TNNI3K: variants seen among roughly 807,000 people sequenced by gnomAD.
The protein encoded by TNNI3K is TNNI3 interacting kinase.
Under a neutral mutation model 114.5 loss-of-function variants are expected in TNNI3K, and 140 were observed. The ratio of observed to expected loss-of-function variants is 1.22; its 90% CI spans 1.07 to 1.41. TNNI3K has a LOEUF of 1.41. Ranked by LOEUF, TNNI3K falls within the 40% of genes most tolerant of loss-of-function variation. The probability of loss-of-function intolerance (pLI) is 0.00; values close to 1 mark genes in which losing one functional copy is unlikely to be tolerated. For synonymous variants in TNNI3K, 347 were observed against 347.5 expected, an observed-to-expected ratio of 1.00 and a Z score of 0.02; for missense variants, 1,125 against 1,007.6, an observed-to-expected ratio of 1.12 and a Z score of -1.58.
At position 74,480,466 on chromosome 1, in the gene TNNI3K, C is replaced by T. The variant is rs1037808014; in HGVS notation, c.2122-8723C>T. 5 of 717,364 alleles carry T rather than the reference C, an allele frequency of 7.0e-6. No homozygotes were observed. Among genetic ancestry groups the T allele is most frequent in the Middle Eastern group, 2.3e-4 (1 of 4,394 alleles). 44.4% of individuals were successfully genotyped at this position (717,364 alleles called of 1,614,324 possible). On this transcript the variant is annotated intron_variant, in intron 21 of 24. Transcript: ENST00000326637. The stretch of plus-strand genomic sequence containing the variant: ...ACTGCTTCAGTGGAGTAAACACATC[C>T]GGCATGTGGGCTAACCTATTTCGGG...
chr1:74,338,867 T>C (rs923733745), intron 7 of TNNI3K, among the ~76,000 whole-genome samples: 3 of 152,118 alleles, frequency 2.0e-5, no homozygotes, highest in African/African-American at 7.2e-5. Flanking sequence ...ATAAACAACC[T>C]ATGTTGTCAG....
intron 21 of TNNI3K, among the ~76,000 whole-genome samples, chr1:74,482,583 A>T (rs1041298916): frequency 2.6e-5 from 4 of 152,186 alleles, no homozygotes; most frequent in Non-Finnish European, 5.9e-5. Flanking sequence ...AATGGAAGAA[A>T]TTATCCTCTT....
At chr1:74,242,841 ATCTCTCTCTGCCTCTCTC>A (rs996898771) in intron 2 of TNNI3K, among the ~76,000 whole-genome samples, 2 of 151,502 alleles carry the variant, frequency 1.3e-5, no homozygotes, top group African/African-American at 4.9e-5. Flanking sequence ...CTTGACCTCA[ATCTCTCTCTGCCTCTCTC>A]TCTCTATCTC....
At chr1:74,290,809 T>C (rs900011361) in intron 5 of TNNI3K, among the ~76,000 whole-genome samples, 6 of 151,776 alleles carry the variant, frequency 4.0e-5, no homozygotes, top group African/African-American at 7.2e-5. Flanking sequence ...TCCCCACTTA[T>C]TTCTGCCCAA....
rs1361143009 is a variant in TNNI3K, at chr1:74,492,417, A to C, written c.2351+151A>C. 3.1e-5 allele frequency: 34 copies of C among 1,094,200 alleles called. No homozygotes were observed. The African/African-American group carries it at 4.2e-4, about 13-fold the overall frequency. The allele number at this position is 1,094,200 out of a possible 1,614,324, so 67.8% of individuals were successfully genotyped here. A position where few individuals can be genotyped will look rare whatever the true frequency, so the allele number is the denominator to read the frequency against. ...TTCAGCCCATTTTTCTTACGTTATG[A>C]CTAAAAATTAGAAATTTTATTATCT... On this transcript the variant is annotated intron_variant, in intron 23 of 24. Transcript: ENST00000326637.
intron 17 of TNNI3K, among the ~76,000 whole-genome samples, chr1:74,423,263 A>C (rs1665484201): frequency 6.6e-6 from 1 of 150,946 alleles, no homozygotes. Context: ...CTTAATCATC[A>C]TTTTTTTGTG....
chr1:74,436,594 C>G, intron 19 of TNNI3K, 68 bp downstream of exon 19: 1 of 1,500,928 alleles, frequency 6.7e-7, no homozygotes, highest in Non-Finnish European at 8.9e-7. Flanking sequence ...CATGAGAGGA[C>G]GTAAGATGAG....
intron 23 of TNNI3K, among the ~76,000 whole-genome samples, chr1:74,521,429 A>G (rs565304301): frequency 3.2e-4 from 49 of 152,308 alleles, no homozygotes; most frequent in African/African-American, 1.1e-3. Flanking sequence ...TAACTATTTT[A>G]TGAAATATGT....
At chr1:74,437,640 AGGTGAG>A (rs1453907562) in intron 19 of TNNI3K, among the ~76,000 whole-genome samples, 1 of 151,870 alleles carries the variant, frequency 6.6e-6, no homozygotes, top group Non-Finnish European at 1.5e-5. Context: ...GGCTGGAGTG[AGGTGAG>A]CAAGGAGGAA....
chr1:74,413,588 C>T (rs1282190502), intron 17 of TNNI3K, among the ~76,000 whole-genome samples: 2 of 152,062 alleles, frequency 1.3e-5, no homozygotes, highest in African/African-American at 4.8e-5. Flanking sequence ...GTGCCATTAC[C>T]TTTAATAAAA....
intron 23 of TNNI3K, among the ~76,000 whole-genome samples, chr1:74,539,577 G>A (rs1646701618): frequency 6.6e-6 from 1 of 152,078 alleles, no homozygotes. Flanking sequence ...TCAATACAGA[G>A]TAGGAATCAT....
chr1:74,348,649 T>A (rs1661156003), intron 9 of TNNI3K, among the ~76,000 whole-genome samples: 4 of 152,314 alleles, frequency 2.6e-5, no homozygotes, highest in African/African-American at 9.6e-5. Flanking sequence ...ATTCTTCCAT[T>A]TCTTTGTATC....
intron 21 of TNNI3K, among the ~76,000 whole-genome samples, chr1:74,478,246 T>C (rs150098651): frequency 3.3e-5 from 5 of 152,278 alleles, no homozygotes; most frequent in African/African-American, 1.2e-4. Context: ...AGCACTACAA[T>C]TTAACAATTA....
chr1:74,498,047 G>A (rs1317882098), intron 23 of TNNI3K, among the ~76,000 whole-genome samples: 3 of 152,114 alleles, frequency 2.0e-5, no homozygotes, highest in Non-Finnish European at 4.4e-5. Context: ...TTACCATTTA[G>A]TGAGCTGGGA....
At chr1:74,415,355 T>C (rs1213990035) in intron 17 of TNNI3K, among the ~76,000 whole-genome samples, 3 of 152,204 alleles carry the variant, frequency 2.0e-5, no homozygotes, top group Non-Finnish European at 4.4e-5. Context: ...GACCCATCAT[T>C]CATTTATTTG....
At chr1:74,407,489 A>G (rs181253320) in intron 17 of TNNI3K, among the ~76,000 whole-genome samples, 2 of 152,342 alleles carry the variant, frequency 1.3e-5, no homozygotes, top group Admixed American at 1.3e-4. Context: ...TTAAGGTCCT[A>G]TGATTAAAGA....
At chr1:74,399,311 A>G (rs1377503905) in intron 17 of TNNI3K, among the ~76,000 whole-genome samples, 2 of 152,238 alleles carry the variant, frequency 1.3e-5, no homozygotes, top group African/African-American at 4.8e-5. Context: ...GTATTTAGGT[A>G]GGACTACTGA....
chr1:74,398,055 A>G lies in TNNI3K; in HGVS notation c.1772+27663A>G, dbSNP rs532021658. On this transcript the variant is annotated intron_variant, in intron 17 of 24. Transcript: ENST00000326637. ...TTTTAGAAAGCCTCCTGCTTCCAGC[A>G]GAGGTAACCACAGTTCATGTAAATG... Among the ~76,000 whole-genome samples the G allele has an allele frequency of 1.2e-4, 18 of 152,394 alleles. No individual in the cohort carries two copies. In the East Asian group the frequency reaches 3.3e-3, roughly 28 times the overall value.
At chr1:74,373,947 C>T (rs1297809560) in intron 17 of TNNI3K, 1 of 151,940 alleles carries the variant, frequency 6.6e-6, no homozygotes, top group African/African-American at 2.4e-5. Context: ...ATACCAAAGT[C>T]TGAGAATGCT....
Sources: allele counts gnomAD v4.1 joint callset (sites outside exome capture counted in the v4.1 genomes callset), GRCh38; gene constraint gnomAD v4.1.1; transcripts MANE v1.5; gene names NCBI Gene and HGNC (gene_info 2026-07-23, HGNC 2026-07-21).